FRMD4A: variants seen among roughly 807,000 people sequenced by gnomAD.
FRMD4A encodes FERM domain-containing protein 4A.
A neutral mutation model predicts 129.1 loss-of-function variants in FRMD4A; 29 were observed. The observed-to-expected ratio is 0.22, with a 90% CI of 0.17 to 0.31. The LOEUF is 0.31. Among genes scored for constraint, FRMD4A ranks in the 10% least tolerant of loss-of-function variants. FRMD4A has a pLI of 1.00. For synonymous variants in FRMD4A, 634 were observed against 571.6 expected, an observed-to-expected ratio of 1.11 and a Z score of -1.56; for missense variants, 1,272 against 1,375.8, an observed-to-expected ratio of 0.92 and a Z score of 1.19.
At chr10:13,705,201 G>A (rs1464801622) in intron 13 of FRMD4A, among the ~76,000 whole-genome samples, 3 of 152,156 alleles carry the variant, frequency 2.0e-5, no homozygotes, top group African/African-American at 7.2e-5. Context: ...AGCTTCGCAA[G>A]AAACATGACA....
chr10:14,175,164 A>T (rs1385505025), intron 2 of FRMD4A, among the ~76,000 whole-genome samples: 4 of 152,334 alleles, frequency 2.6e-5, no homozygotes, highest in African/African-American at 9.6e-5. Flanking sequence ...GTGGCTACAC[A>T]CATCTATGCC....
intron 6 of FRMD4A, among the ~76,000 whole-genome samples, chr10:13,781,040 C>T (rs1301323819): frequency 6.6e-6 from 1 of 152,166 alleles, no homozygotes; most frequent in East Asian, 1.9e-4. Context: ...TGGTGGCCCA[C>T]TTCTGTAATC....
chr10:14,316,697 G>A (rs1846754943), intron 2 of FRMD4A, among the ~76,000 whole-genome samples: 1 of 152,090 alleles, frequency 6.6e-6, no homozygotes, highest in Non-Finnish European at 1.5e-5. Flanking sequence ...GAAGCATATT[G>A]AACAGTTGCT....
At chr10:14,026,350 A>G (rs1832985503) in intron 2 of FRMD4A, among the ~76,000 whole-genome samples, 2 of 152,342 alleles carry the variant, frequency 1.3e-5, no homozygotes, top group South Asian at 2.1e-4. Context: ...AAGGGCAAAG[A>G]TAAAGAAATG....
At chr10:13,972,776 G>C (rs1438533176) in intron 2 of FRMD4A, among the ~76,000 whole-genome samples, 1 of 152,158 alleles carries the variant, frequency 6.6e-6, no homozygotes, top group African/African-American at 2.4e-5. Context: ...GGGAAAGAAG[G>C]GGGAGGGGAG....
At chr10:13,811,502 G>A (rs1291133908) in intron 3 of FRMD4A, among the ~76,000 whole-genome samples, 1 of 150,902 alleles carries the variant, frequency 6.6e-6, no homozygotes, top group Admixed American at 6.6e-5. Flanking sequence ...AAACTGCAAG[G>A]CAGAGGTTGC....
At chr10:13,852,043 T>G (rs192187909) in intron 3 of FRMD4A, among the ~76,000 whole-genome samples, 23 of 152,022 alleles carry the variant, frequency 1.5e-4, no homozygotes, top group Admixed American at 1.4e-3. Context: ...TATGTTACAA[T>G]GTAGTAATCA....
chr10:14,005,890 T>C (rs916436931), intron 2 of FRMD4A, among the ~76,000 whole-genome samples: 3 of 152,202 alleles, frequency 2.0e-5, no homozygotes, highest in African/African-American at 7.2e-5. Context: ...AGCAGGGGAA[T>C]GAACTGAAAG....
chr10:14,141,713 T>C (rs1039900328), intron 2 of FRMD4A, among the ~76,000 whole-genome samples: 1 of 152,324 alleles, frequency 6.6e-6, no homozygotes, highest in African/African-American at 2.4e-5. Context: ...ATTAACTGCA[T>C]GTTTCCTTGC....
chr10:13,659,214 G>A (rs1021851212), intron 21 of FRMD4A, 109 bp downstream of exon 21: 5 of 997,242 alleles, frequency 5.0e-6, no homozygotes, highest in African/African-American at 1.6e-5. Flanking sequence ...TATCCTCCCA[G>A]GTTCAGGTCT....
At chr10:13,652,032 TGACACA>T (rs141423471) in intron 23 of FRMD4A, 58 bp from the exon 24 acceptor site, 214 of 902,298 alleles carry the variant, frequency 2.4e-4, no homozygotes, top group African/African-American at 6.7e-4. Context: ...AGAGAGACAC[TGACACA>T]GACACAGACA....
intron 2 of FRMD4A, among the ~76,000 whole-genome samples, chr10:14,190,733 A>C (rs1818902414): frequency 6.6e-6 from 1 of 152,218 alleles, no homozygotes; most frequent in Non-Finnish European, 1.5e-5. Flanking sequence ...AAGTCTACTC[A>C]CAAGGAGACA....
At chr10:14,305,821 T>C (rs1303922004) in intron 2 of FRMD4A, among the ~76,000 whole-genome samples, 1 of 152,196 alleles carries the variant, frequency 6.6e-6, no homozygotes, top group East Asian at 1.9e-4. Flanking sequence ...ATCGTATCCT[T>C]TGCGAGGACA....
chr10:14,219,441 T>C (rs904679855), intron 2 of FRMD4A, among the ~76,000 whole-genome samples: 1 of 152,184 alleles, frequency 6.6e-6, no homozygotes, highest in African/African-American at 2.4e-5. Context: ...CGCATTCTGA[T>C]GCCATCAGAA....
chr10:14,054,160 G>C (rs1163242556), intron 2 of FRMD4A, among the ~76,000 whole-genome samples: 3 of 152,114 alleles, frequency 2.0e-5, no homozygotes, highest in African/African-American at 7.2e-5. Context: ...GTGAGACTCT[G>C]TCTCTTAACA....
intron 2 of FRMD4A, among the ~76,000 whole-genome samples, chr10:14,295,974 G>C (rs1437617638): frequency 1.3e-5 from 2 of 151,976 alleles, no homozygotes; most frequent in Non-Finnish European, 2.9e-5. Flanking sequence ...TCTTTGCCTA[G>C]GTGCTTTATT....
chr10:14,305,113 C>T (rs1464371135), intron 2 of FRMD4A, among the ~76,000 whole-genome samples: 1 of 152,206 alleles, frequency 6.6e-6, no homozygotes, highest in Non-Finnish European at 1.5e-5. Context: ...TATTATGCCT[C>T]TTTCAGCTAC....
At chr10:14,301,340 G>A (rs1464424597) in intron 2 of FRMD4A, among the ~76,000 whole-genome samples, 2 of 152,192 alleles carry the variant, frequency 1.3e-5, no homozygotes, top group Non-Finnish European at 2.9e-5. Context: ...GAACCTGAAG[G>A]TGGTTTTGAG....
At chr10:14,082,600 A>C (rs1431094463) in intron 2 of FRMD4A, among the ~76,000 whole-genome samples, 3 of 152,182 alleles carry the variant, frequency 2.0e-5, no homozygotes, top group African/African-American at 7.2e-5. Flanking sequence ...GGTGGAGCTG[A>C]GGCCCCAGCA....
Sources: gnomAD v4.1 joint callset for allele counts (sites outside exome capture counted in the v4.1 genomes callset) on GRCh38, gnomAD v4.1.1 for gene constraint, MANE v1.5 for transcripts, NCBI Gene and HGNC (gene_info 2026-07-23, HGNC 2026-07-21) for gene names.